BNC2: variants seen among roughly 807,000 people sequenced by gnomAD.
The protein encoded by BNC2 is zinc finger protein basonuclin-2.
In BNC2, 20 loss-of-function variants were observed where a neutral mutation model predicts 76.3. The observed-to-expected ratio is 0.26, with a 90% confidence interval of 0.18 to 0.38. The LOEUF (loss-of-function observed/expected upper bound fraction) is 0.38, where lower values mean the gene tolerates loss of function less well. BNC2 is among the 10% of genes least tolerant of loss of function. The probability of loss-of-function intolerance (pLI) is 1.00; values close to 1 mark genes in which losing one functional copy is unlikely to be tolerated. For missense variants in BNC2, 1,382 were observed against 1,399.8 expected, an observed-to-expected ratio of 0.99 and a Z score of 0.20; for synonymous variants, 582 against 514.8, an observed-to-expected ratio of 1.13 and a Z score of -1.77.
intron 5 of BNC2, among the ~76,000 whole-genome samples, chr9:16,460,987 C>T (rs1178457044): frequency 1.3e-5 from 2 of 151,608 alleles, no homozygotes; most frequent in Non-Finnish European, 2.9e-5. Flanking sequence ...TCTACCAAGA[C>T]GGCAGACAAG....
At position 16,410,764 on chromosome 9, in the gene BNC2, G is replaced by A. The variant is rs1309032443; in HGVS notation, c.*8225C>T. ...AAGAGCAAAGGGTGGGATTGAGAAA[G>A]ACAATGGAAAAGTCAGAGGAGATTA... On this transcript the variant is annotated 3_prime_UTR_variant, in exon 7 of 7. Coordinates refer to ENST00000380672, the MANE Select transcript of BNC2 (RefSeq NM_017637.6). 6.6e-6 allele frequency: 1 copy of A among 152,138 alleles called. No individual in the cohort carries two copies. Among genetic ancestry groups the A allele is most frequent in the East Asian group, 1.9e-4 (1 of 5,176 alleles). The allele number at this position is 152,138 out of a possible 1,614,324, so 9.4% of individuals were successfully genotyped here.
chr9:16,797,717 G>A (rs1267094251), intron 1 of BNC2, among the ~76,000 whole-genome samples: 5 of 152,088 alleles, frequency 3.3e-5, no homozygotes, highest in Non-Finnish European at 7.3e-5. Context: ...AGAAACTGGG[G>A]TTTCTTGCCA....
intron 1 of BNC2, among the ~76,000 whole-genome samples, chr9:16,740,028 T>C (rs1587368647): frequency 6.6e-6 from 1 of 152,146 alleles, no homozygotes; most frequent in African/African-American, 2.4e-5. Flanking sequence ...ATAAAACAAG[T>C]GGCCAAGGTT....
At chr9:16,675,089 T>C (rs1822599425) in intron 3 of BNC2, among the ~76,000 whole-genome samples, 1 of 152,218 alleles carries the variant, frequency 6.6e-6, no homozygotes, top group Non-Finnish European at 1.5e-5. Flanking sequence ...GAAGATCTGC[T>C]ATTTTCACAG....
intron 5 of BNC2, among the ~76,000 whole-genome samples, chr9:16,471,574 G>A (rs1383671229): frequency 6.6e-6 from 1 of 152,200 alleles, no homozygotes; most frequent in African/African-American, 2.4e-5. Flanking sequence ...TTACAGGCGT[G>A]AGCCACTGCA....
chr9:16,552,653 C>A lies in BNC2; in HGVS notation c.546G>T (p.Val182=), dbSNP rs749503846. 1.2e-6 allele frequency: 2 copies of A among 1,614,098 alleles called. No homozygotes were observed. The highest frequency in any genetic ancestry group is 1.7e-5 in the Admixed American group (1 of 60,000). Residue 182 remains valine, a synonymous_variant, in exon 5 of 7, where the codon GTG becomes GTT. Coordinates refer to ENST00000380672, the MANE Select transcript of BNC2 (RefSeq NM_017637.6). ...SSLMLYGTQA[V]PVRLKILLDR... Reference sequence around the variant, plus strand: ...CCAGCAGGATCTTTAGCCGCACAGGCACTGCTTGTGTCCCATAGAGCATCA... The same window carrying A: ...CCAGCAGGATCTTTAGCCGCACAGGAACTGCTTGTGTCCCATAGAGCATCA...
intron 4 of BNC2, among the ~76,000 whole-genome samples, chr9:16,556,753 C>T (rs537129363): frequency 7.6e-5 from 11 of 144,180 alleles, no homozygotes; most frequent in African/African-American, 1.1e-4. Flanking sequence ...GGCGACAGAG[C>T]GAGACTCTAA....
intron 4 of BNC2, among the ~76,000 whole-genome samples, chr9:16,565,037 T>C (rs957370638): frequency 6.6e-6 from 1 of 152,218 alleles, no homozygotes; most frequent in African/African-American, 2.4e-5. Flanking sequence ...CTTTCTAGTC[T>C]AATTTATACC....
intron 5 of BNC2, among the ~76,000 whole-genome samples, chr9:16,490,172 C>A (rs916849521): frequency 6.6e-6 from 1 of 152,126 alleles, no homozygotes; most frequent in Non-Finnish European, 1.5e-5. Flanking sequence ...ATACCAGAGA[C>A]TGTGAAGAAA....
intron 1 of BNC2, among the ~76,000 whole-genome samples, chr9:16,817,805 T>C (rs896924576): frequency 1.3e-5 from 2 of 152,180 alleles, no homozygotes; most frequent in Non-Finnish European, 2.9e-5. Context: ...AGGCACTGCT[T>C]GGGACACTTG....
intron 6 of BNC2, chr9:16,431,468 C>A (rs1340287797): frequency 2.1e-6 from 1 of 469,974 alleles, no homozygotes; most frequent in East Asian, 7.0e-5. Flanking sequence ...AGGTTCCAGG[C>A]CGGTTAGAAT....
At chr9:16,729,985 C>A (rs764496475) in intron 2 of BNC2, among the ~76,000 whole-genome samples, 6 of 151,036 alleles carry the variant, frequency 4.0e-5, no homozygotes, top group Non-Finnish European at 7.4e-5. Flanking sequence ...GCCTCTCACT[C>A]GCCCTCTCCT....
intron 1 of BNC2, among the ~76,000 whole-genome samples, chr9:16,778,813 A>G (rs1407286403): frequency 6.6e-6 from 1 of 152,192 alleles, no homozygotes; most frequent in Non-Finnish European, 1.5e-5. Context: ...GTTAAATACA[A>G]AACAAGTATT....
chr9:16,791,249 G>C (rs1426910628), intron 1 of BNC2, among the ~76,000 whole-genome samples: 1 of 152,062 alleles, frequency 6.6e-6, no homozygotes, highest in Non-Finnish European at 1.5e-5. Flanking sequence ...TTTTAGTAGA[G>C]ACGGGGTTTC....
intron 3 of BNC2, among the ~76,000 whole-genome samples, chr9:16,594,406 T>C (rs574700839): frequency 6.6e-6 from 1 of 152,280 alleles, no homozygotes; most frequent in African/African-American, 2.4e-5. Flanking sequence ...TCTAAATCTT[T>C]ACCCTCTTTA....
intron 5 of BNC2, among the ~76,000 whole-genome samples, chr9:16,524,281 C>T (rs1050603017): frequency 6.6e-6 from 1 of 152,162 alleles, no homozygotes; most frequent in Non-Finnish European, 1.5e-5. Flanking sequence ...CTAGTAGACA[C>T]CAGATTTAAC....
chr9:16,850,762 C>T (rs943226230), intron 1 of BNC2, among the ~76,000 whole-genome samples: 2 of 151,780 alleles, frequency 1.3e-5, no homozygotes, highest in African/African-American at 4.8e-5. Context: ...TGCATCACTG[C>T]ACTCCGGTCA....
At chr9:16,790,542 T>A (rs956136382) in intron 1 of BNC2, among the ~76,000 whole-genome samples, 5 of 152,232 alleles carry the variant, frequency 3.3e-5, no homozygotes, top group Admixed American at 6.5e-5. Flanking sequence ...TAAACAAGCA[T>A]CTTTTCCATG....
At chr9:16,750,639 A>T (rs1194815293) in intron 1 of BNC2, among the ~76,000 whole-genome samples, 1 of 152,236 alleles carries the variant, frequency 6.6e-6, no homozygotes, top group Non-Finnish European at 1.5e-5. Context: ...TATCCTTCTT[A>T]CTTAGGTCCC....
Sources: allele counts gnomAD v4.1 joint callset (sites outside exome capture counted in the v4.1 genomes callset), GRCh38; gene constraint gnomAD v4.1.1; transcripts MANE v1.5; gene names NCBI Gene and HGNC (gene_info 2026-07-23, HGNC 2026-07-21).